The following FZD6 variants were observed in gnomAD, a reference collection of about 807,000 sequenced individuals.
The protein encoded by FZD6 is frizzled class receptor 6.
Under a neutral mutation model 61.4 loss-of-function variants are expected in FZD6, and 49 were observed. That is an observed-to-expected ratio of 0.80 (90% confidence interval 0.63 to 1.01). FZD6 has a LOEUF of 1.01. Ranked by LOEUF, FZD6 falls within the 50% of genes least tolerant of loss-of-function variation. The pLI is 0.00. For synonymous variants in FZD6, 265 were observed against 292.2 expected, an observed-to-expected ratio of 0.91 and a Z score of 0.95; for missense variants, 724 against 848.2, an observed-to-expected ratio of 0.85 and a Z score of 1.82.
intron 3 of FZD6, among the ~76,000 whole-genome samples, chr8:103,324,014 A>C (rs62525513): frequency 0.024 from 3,723 of 152,228 alleles, 68 homozygotes; most frequent in Middle Eastern, 0.037. Flanking sequence ...TCATCACTTT[A>C]GTTATATGGT....
At chr8:103,323,057 A>G (rs1292909496) in intron 3 of FZD6, among the ~76,000 whole-genome samples, 1 of 152,254 alleles carries the variant, frequency 6.6e-6, no homozygotes. Flanking sequence ...GTTAAATTTT[A>G]AAATGTAAGT....
At chr8:103,314,579 A>G (rs942191629) in intron 2 of FZD6, among the ~76,000 whole-genome samples, 1 of 152,166 alleles carries the variant, frequency 6.6e-6, no homozygotes, top group Admixed American at 6.5e-5. Context: ...AAGCAATAAT[A>G]TATGTCAACC....
chr8:103,314,250 A>C (rs1179643265), intron 2 of FZD6, among the ~76,000 whole-genome samples: 2 of 152,228 alleles, frequency 1.3e-5, no homozygotes, highest in African/African-American at 2.4e-5. Context: ...GCTGACCACC[A>C]GTTAATCATG....
chr8:103,318,810 G>A, intron 3 of FZD6, 24 bp downstream of exon 3: 1 of 1,355,300 alleles, frequency 7.4e-7, no homozygotes, highest in Non-Finnish European at 1.1e-6. Context: ...TTCATGGAAA[G>A]CTACTAATGG....
At chr8:103,298,659 G>A (rs576986933), upstream of FZD6, 1 of 152,238 alleles carries the variant, frequency 6.6e-6, no homozygotes, top group African/African-American at 2.4e-5. Flanking sequence ...GTGGCTTCCC[G>A]GCCCCGCAGC....
At chr8:103,298,772 T>TG (rs1563681566), upstream of FZD6, 7 of 98,508 alleles carry the variant, frequency 7.1e-5, no homozygotes, top group African/African-American at 1.2e-4. Context: ...GCAGGGCCAG[T>TG]CCCGCCGCCG....
intron 6 of FZD6, among the ~76,000 whole-genome samples, chr8:103,330,633 A>G (rs78309649): frequency 0.011 from 1,702 of 152,238 alleles, 37 homozygotes; most frequent in African/African-American, 0.038. Context: ...ATATATTTGG[A>G]TTGTAATTAG....
intron 3 of FZD6, among the ~76,000 whole-genome samples, chr8:103,323,248 A>G (rs1814844861): frequency 6.6e-6 from 1 of 152,180 alleles, no homozygotes; most frequent in African/African-American, 2.4e-5. Flanking sequence ...TAAGACCAGA[A>G]AGGGTCCCCA....
intron 2 of FZD6, among the ~76,000 whole-genome samples, chr8:103,310,909 C>G (rs1303266339): frequency 1.3e-5 from 2 of 152,196 alleles, no homozygotes; most frequent in African/African-American, 4.8e-5. Flanking sequence ...AAACCCAGTT[C>G]TAGAGTTCCT....
At chr8:103,299,892 A>G (rs1203646296) in intron 1 of FZD6, 64 bp from the exon 2 acceptor site, 2 of 515,570 alleles carry the variant, frequency 3.9e-6, no homozygotes, top group Non-Finnish European at 7.0e-6. Context: ...TTAACTCTGC[A>G]CTTTGACTCC....
chr8:103,314,751 T>C (rs1341445952), intron 2 of FZD6, among the ~76,000 whole-genome samples: 3 of 152,212 alleles, frequency 2.0e-5, no homozygotes, highest in African/African-American at 7.2e-5. Context: ...TCAAGGCTTA[T>C]ATTTACCTAT....
intron 3 of FZD6, among the ~76,000 whole-genome samples, chr8:103,321,105 T>G (rs1170486331): frequency 1.3e-5 from 2 of 152,086 alleles, no homozygotes; most frequent in African/African-American, 4.8e-5. Context: ...GCAGGGGAGG[T>G]TATAACTTAA....
chr8:103,308,740 A>G (rs1814411982), intron 2 of FZD6, among the ~76,000 whole-genome samples: 2 of 152,228 alleles, frequency 1.3e-5, no homozygotes, highest in African/African-American at 4.8e-5. Flanking sequence ...GATGGAATGC[A>G]GTTGGTCCCT....
intron 2 of FZD6, among the ~76,000 whole-genome samples, chr8:103,311,681 TAAAAAAA>T (rs34828148): frequency 3.2e-5 from 4 of 124,530 alleles, no homozygotes; most frequent in African/African-American, 9.1e-5. Flanking sequence ...ACCTGTCTCT[TAAAAAAA>T]AAAAAAAAAA....
chr8:103,322,410 G>A (rs1291723715), intron 3 of FZD6, among the ~76,000 whole-genome samples: 3 of 150,978 alleles, frequency 2.0e-5, no homozygotes, highest in Admixed American at 6.6e-5. Context: ...GCATATACAG[G>A]CATATATTTA....
intron 1 of FZD6, among the ~76,000 whole-genome samples, chr8:103,299,471 T>C (rs957794274): frequency 2.0e-5 from 3 of 152,202 alleles, no homozygotes; most frequent in Non-Finnish European, 2.9e-5. Context: ...CTCCCTCTAG[T>C]TGGCCTTACG....
rs1219079767 is a variant in FZD6, at chr8:103,300,288, AG to A, written c.177+5del. The A allele has an allele frequency of 6.3e-7, 1 of 1,585,868 alleles. No individual in the cohort carries two copies. The highest frequency in any genetic ancestry group is 1.1e-5 in the South Asian group (1 of 90,534). On this transcript the variant is annotated splice_donor_5th_base_variant and intron_variant, in intron 2 of 6. Coordinates refer to ENST00000358755, the MANE Select transcript of FZD6 (RefSeq NM_003506.4). ...TATTGCCGCGGTGGAAATGGAGGTGAGTAGTGCTTCATACGTTTATTGAATA... is the reference window on the plus strand; with the variant it reads ...TATTGCCGCGGTGGAAATGGAGGTGATAGTGCTTCATACGTTTATTGAATA...
At chr8:103,327,588 T>A (rs1388792302) in intron 4 of FZD6, among the ~76,000 whole-genome samples, 1 of 151,920 alleles carries the variant, frequency 6.6e-6, no homozygotes, top group Non-Finnish European at 1.5e-5. Flanking sequence ...AGAGTGAGAC[T>A]CCATCTCAAA....
rs1400248133 is a variant in FZD6, at chr8:103,332,656, C to G, written c.*1147C>G. 6.6e-6 allele frequency: 1 copy of G among 152,488 alleles called. No individual in the cohort carries two copies. Among genetic ancestry groups the G allele is most frequent in the Non-Finnish European group, 1.5e-5 (1 of 68,004 alleles). The allele number at this position is 152,488 out of a possible 1,614,324, so 9.4% of individuals were successfully genotyped here. A position where few individuals can be genotyped will look rare whatever the true frequency, so the allele number is the denominator to read the frequency against. On this transcript the variant is annotated 3_prime_UTR_variant, in exon 7 of 7. Transcript: ENST00000358755. Reference sequence around the variant, plus strand: ...TTCCTATTAAGTATTATTCTTTGGGCAAGATTTTCTGATGCTTTTGATTTT... The same window carrying G: ...TTCCTATTAAGTATTATTCTTTGGGGAAGATTTTCTGATGCTTTTGATTTT...
Sources: gnomAD v4.1 joint callset for allele counts (sites outside exome capture counted in the v4.1 genomes callset) on GRCh38, gnomAD v4.1.1 for gene constraint, MANE v1.5 for transcripts, NCBI Gene and HGNC (gene_info 2026-07-23, HGNC 2026-07-21) for gene names.